Variants in SUMO2 observed in about 807,000 individuals in gnomAD.
SUMO2 encodes small ubiquitin like modifier 2, also known as small ubiquitin-related modifier 2.
A neutral mutation model predicts 16.0 loss-of-function variants in SUMO2; 1 was observed. The observed-to-expected ratio is 0.06, with a 90% CI of 0.02 to 0.30. The LOEUF is 0.30. SUMO2 is among the 10% of genes least tolerant of loss of function. The probability of loss-of-function intolerance (pLI) is 1.00; values close to 1 mark genes in which losing one functional copy is unlikely to be tolerated. For synonymous variants in SUMO2, 36 were observed against 40.6 expected (o/e 0.89, Z 0.43); for missense variants, 16 against 117.5 (o/e 0.14, Z 3.99).
Position 75,166,565 on chromosome 17 carries a change from G to C in SUMO2, c.*1774C>G, listed in dbSNP as rs2074694604. 1.3e-5 allele frequency: 2 copies of C among 152,194 alleles called. No homozygotes were observed. Among genetic ancestry groups the C allele is most frequent in the Non-Finnish European group, 2.9e-5 (2 of 68,040 alleles). The allele number at this position is 152,194 out of a possible 1,614,324, so 9.4% of individuals were successfully genotyped here. ...GCACATTGGGAGGCTAAGGCAGATA[G>C]ATCACTTAAGATCAGGGGTTTGAGC... On this transcript the variant is annotated 3_prime_UTR_variant, in exon 4 of 4. Transcript: ENST00000420826.
At position 75,182,945 on chromosome 17, in the gene SUMO2, T is replaced by G. The variant is rs1382244519; in HGVS notation, c.-111A>C. 1.0e-6 allele frequency: 1 copy of G among 966,428 alleles called. No homozygotes were observed. Among genetic ancestry groups the G allele is most frequent in the Non-Finnish European group, 1.4e-6 (1 of 729,854 alleles). 59.9% of individuals were successfully genotyped at this position (966,428 alleles called of 1,614,324 possible). On this transcript the variant is annotated 5_prime_UTR_variant, in exon 1 of 4. Coordinates refer to ENST00000420826, the MANE Select transcript of SUMO2 (RefSeq NM_006937.4). ...CGGCAGAAGAAGGAGGCGGCAGCGG[T>G]GGACGAGGGGAGAGGGTGCGCGCAC...
intron 3 of SUMO2, among the ~76,000 whole-genome samples, chr17:75,174,116 CGGT>C (rs1404621586): frequency 2.0e-5 from 3 of 152,162 alleles, no homozygotes; most frequent in Non-Finnish European, 4.4e-5. Flanking sequence ...TGGCTGGGTG[CGGT>C]GGCTCACACC....
At chr17:75,178,333 G>C (rs1226766829) in intron 2 of SUMO2, among the ~76,000 whole-genome samples, 1 of 151,732 alleles carries the variant, frequency 6.6e-6, no homozygotes, top group Non-Finnish European at 1.5e-5. Context: ...GGCCAATATT[G>C]TGAAACCCCG....
chr17:75,181,323 T>C, intron 1 of SUMO2, 135 bp from the exon 2 acceptor site: 1 of 875,486 alleles, frequency 1.1e-6, no homozygotes, highest in East Asian at 2.6e-5. Flanking sequence ...TACTGCTGTT[T>C]TCAGCTGCTG....
rs1032566388 is a variant in SUMO2 at position 75,182,944 on chromosome 17, G to C, written c.-110C>G. 1.1e-5 allele frequency: 11 copies of C among 962,974 alleles called. No individual in the cohort carries two copies. Among genetic ancestry groups the C allele is most frequent in the Non-Finnish European group, 1.5e-5 (11 of 726,714 alleles). The allele number at this position is 962,974 out of a possible 1,614,324, so 59.7% of individuals were successfully genotyped here. A position where few individuals can be genotyped will look rare whatever the true frequency, so the allele number is the denominator to read the frequency against. On this transcript the variant is annotated 5_prime_UTR_variant, in exon 1 of 4. Transcript: ENST00000420826. ...GCGGCAGAAGAAGGAGGCGGCAGCGGTGGACGAGGGGAGAGGGTGCGCGCA... is the reference window on the plus strand; with the variant it reads ...GCGGCAGAAGAAGGAGGCGGCAGCGCTGGACGAGGGGAGAGGGTGCGCGCA...
rs1319218978 is a variant in SUMO2, at chr17:75,181,208, A to G, written c.22-20T>C. The G allele has an allele frequency of 1.9e-6, 3 of 1,610,820 alleles. No homozygotes were observed. Among genetic ancestry groups the G allele is most frequent in the South Asian group, 1.1e-5 (1 of 90,160 alleles). The stretch of plus-strand genomic sequence containing the variant: ...TCCTTCCTGTTAAAAGAAAAATAAA[A>G]GTATAATTTGGGAAATGTGATCAAC... On this transcript the variant is annotated intron_variant, in intron 1 of 3. Transcript: ENST00000420826.
At chr17:75,172,665 G>C (rs969885718) in intron 3 of SUMO2, among the ~76,000 whole-genome samples, 1 of 151,716 alleles carries the variant, frequency 6.6e-6, no homozygotes, top group Non-Finnish European at 1.5e-5. Context: ...AGTAGAGACG[G>C]GGTTTCTCCA....
rs1405762465 is a variant in SUMO2 at position 75,165,691 on chromosome 17, A to G, written c.*2648T>C. The G allele has an allele frequency of 2.8e-5, 4 of 140,882 alleles. No individual in the cohort carries two copies. Among genetic ancestry groups the G allele is most frequent in the Non-Finnish European group, 6.2e-5 (4 of 64,190 alleles). The allele number at this position is 140,882 out of a possible 1,614,324, so 8.7% of individuals were successfully genotyped here. ...AGTCCCAGTTTTATAGTCACCGTCT[A>G]TTTCACAACTTTTCTGGAACTTGGC... is the stretch of plus-strand genomic sequence containing the variant. On this transcript the variant is annotated 3_prime_UTR_variant, in exon 4 of 4. Transcript: ENST00000420826.
intron 3 of SUMO2, among the ~76,000 whole-genome samples, chr17:75,172,529 C>T (rs145597449): frequency 0.017 from 2,490 of 146,282 alleles, 43 homozygotes; most frequent in Non-Finnish European, 0.025. Context: ...TACCCATGCT[C>T]GAGTGCAATG....
chr17:75,181,427 A>C (rs1215602463), intron 1 of SUMO2, among the ~76,000 whole-genome samples: 1 of 152,172 alleles, frequency 6.6e-6, no homozygotes, highest in African/African-American at 2.4e-5. Flanking sequence ...AGTAGCAACA[A>C]TATGTTTAAA....
chr17:75,180,931 C>T, intron 2 of SUMO2, 126 bp downstream of exon 2: 3 of 1,073,738 alleles, frequency 2.8e-6, no homozygotes, highest in Non-Finnish European at 4.1e-6. Context: ...ACAAAACTGA[C>T]GTGCCAAGTG....
Position 75,166,739 on chromosome 17 carries a change from C to T in SUMO2, c.*1600G>A, listed in dbSNP as rs185702710. 9 of 152,178 alleles carry T rather than the reference C, an allele frequency of 5.9e-5. No individual in the cohort carries two copies. The highest frequency in any genetic ancestry group is 5.2e-4 in the Admixed American group (8 of 15,244). The allele number at this position is 152,178 out of a possible 1,614,324, so 9.4% of individuals were successfully genotyped here. On this transcript the variant is annotated 3_prime_UTR_variant, in exon 4 of 4. Transcript: ENST00000420826. ...TGGAGGTTGCAGTGAGCCAAGATCA[C>T]ACCATTGCACCACTCCAGACTAGGC...
Position 75,182,637 on chromosome 17 carries a change from G to A in SUMO2, c.21+177C>T, listed in dbSNP as rs2074838522. On this transcript the variant is annotated intron_variant, in intron 1 of 3. Transcript: ENST00000420826. ...GAGCGGCGGGGCCTCCTTCGGCGCG[G>A]GAGGGAGGAAGAGAGGGAGGGAGGA... 7.3e-6 allele frequency: 3 copies of A among 408,946 alleles called. No homozygotes were observed. The South Asian group carries it at 3.7e-4, about 51-fold the overall frequency. The allele number at this position is 408,946 out of a possible 1,614,324, so 25.3% of individuals were successfully genotyped here.
At position 75,182,886 on chromosome 17, in the gene SUMO2, C is replaced by T; in HGVS notation, c.-52G>A. 4 of 1,331,366 alleles carry T rather than the reference C, an allele frequency of 3.0e-6. No individual in the cohort carries two copies. The highest frequency in any genetic ancestry group is 3.9e-6 in the Non-Finnish European group (4 of 1,031,528). The allele number at this position is 1,331,366 out of a possible 1,614,324, so 82.5% of individuals were successfully genotyped here. A position where few individuals can be genotyped will look rare whatever the true frequency, so the allele number is the denominator to read the frequency against. ...CCGCTTCACAAAAGAGGTACCAGGT[C>T]CGCACCAAACGAGCACACAAGCAGC... is the stretch of plus-strand genomic sequence containing the variant. On this transcript the variant is annotated 5_prime_UTR_variant, in exon 1 of 4. Transcript: ENST00000420826.
chr17:75,180,828 T>C (rs2074823435), intron 2 of SUMO2, among the ~76,000 whole-genome samples: 1 of 152,130 alleles, frequency 6.6e-6, no homozygotes, highest in African/African-American at 2.4e-5. Flanking sequence ...TAAATATAAT[T>C]TGATGGATTT....
intron 3 of SUMO2, among the ~76,000 whole-genome samples, chr17:75,169,104 T>C (rs910629641): frequency 6.8e-6 from 1 of 147,830 alleles, no homozygotes; most frequent in African/African-American, 2.5e-5. Context: ...TGGTGACACA[T>C]GTCCATACTC....
chr17:75,168,492 TGTTCCACTAA>T, intron 3 of SUMO2, 91 bp from the exon 4 acceptor site: 1 of 1,085,238 alleles, frequency 9.2e-7, no homozygotes. Flanking sequence ...AACATGTACA[TGTTCCACTAA>T]GTTCCAAGTT....
rs150734961 is a variant in SUMO2, at chr17:75,174,742, AT to A, written c.225+9del. ...ATGGTAATTTTTCTAATTAGGAGAG[AT>A]TTTTTTACCTGTGCAGGTGTGTCTG... is the stretch of plus-strand genomic sequence containing the variant. On this transcript the variant is annotated intron_variant, in intron 3 of 3. Transcript: ENST00000420826. The A allele has an allele frequency of 5.4e-5, 87 of 1,611,138 alleles. No homozygotes were observed. Among genetic ancestry groups the A allele is most frequent in the Non-Finnish European group, 6.5e-5 (77 of 1,178,798 alleles).
intron 1 of SUMO2, among the ~76,000 whole-genome samples, chr17:75,181,901 C>T (rs972209492): frequency 1.8e-5 from 2 of 108,376 alleles, no homozygotes; most frequent in Non-Finnish European, 2.5e-5. Flanking sequence ...TTCGACCCAA[C>T]CTAAAGTTGT....
Sources: allele counts gnomAD v4.1 joint callset (sites outside exome capture counted in the v4.1 genomes callset), GRCh38; gene constraint gnomAD v4.1.1; transcripts MANE v1.5; gene names NCBI Gene and HGNC (gene_info 2026-07-23, HGNC 2026-07-21).